ITGA9: variants seen among roughly 807,000 people sequenced by gnomAD.
ITGA9 encodes integrin subunit alpha 9.
A neutral mutation model predicts 127.8 loss-of-function variants in ITGA9; 56 were observed. The observed-to-expected ratio is 0.44, with a 90% CI of 0.35 to 0.55. The LOEUF (loss-of-function observed/expected upper bound fraction) is 0.55, where lower values mean the gene tolerates loss of function less well. Among genes scored for constraint, ITGA9 ranks in the 20% least tolerant of loss-of-function variants. ITGA9 has a pLI of 0.00. For synonymous variants in ITGA9, 508 were observed against 514.5 expected (o/e 0.99, Z 0.17); for missense variants, 1,196 against 1,347.1 (o/e 0.89, Z 1.76).
chr3:37,698,914 A>G (rs1700916487), intron 18 of ITGA9, among the ~76,000 whole-genome samples: 1 of 152,160 alleles, frequency 6.6e-6, no homozygotes, highest in Admixed American at 6.5e-5. Context: ...CATCTCCCAT[A>G]TGACTAATAA....
intron 4 of ITGA9, among the ~76,000 whole-genome samples, chr3:37,492,751 AAG>A (rs1698685957): frequency 6.6e-6 from 1 of 152,168 alleles, no homozygotes; most frequent in Non-Finnish European, 1.5e-5. Flanking sequence ...TCATTTTTTC[AAG>A]AGTTACAATT....
intron 7 of ITGA9, 85 bp downstream of exon 7, chr3:37,506,170 AT>A: frequency 2.0e-6 from 2 of 996,110 alleles, no homozygotes; most frequent in Admixed American, 4.0e-5. Context: ...GCCAGCTGAC[AT>A]TGACCTGAAC....
intron 15 of ITGA9, among the ~76,000 whole-genome samples, chr3:37,613,873 C>G (rs1700048134): frequency 6.6e-6 from 1 of 152,172 alleles, no homozygotes; most frequent in South Asian, 2.1e-4. Context: ...AGCCCTTTGT[C>G]AGATGAGTAG....
intron 15 of ITGA9, among the ~76,000 whole-genome samples, chr3:37,601,691 T>A (rs1267648316): frequency 1.3e-5 from 2 of 152,242 alleles, no homozygotes; most frequent in Non-Finnish European, 2.9e-5. Context: ...TCAATCAAAC[T>A]TGAACACCAT....
At chr3:37,572,534 A>T (rs1246830246) in intron 15 of ITGA9, among the ~76,000 whole-genome samples, 1 of 152,234 alleles carries the variant, frequency 6.6e-6, no homozygotes, top group African/African-American at 2.4e-5. Flanking sequence ...CTTATTTAGT[A>T]GGATTGCTGT....
intron 15 of ITGA9, among the ~76,000 whole-genome samples, chr3:37,548,756 C>A (rs916275081): frequency 7.2e-5 from 11 of 152,148 alleles, no homozygotes; most frequent in African/African-American, 2.7e-4. Flanking sequence ...TCTAAGGTGA[C>A]CTTGGACATA....
rs562643391 is a variant in ITGA9 at position 37,652,891 on chromosome 3, AG to A, written c.1840-819del. Among the ~76,000 whole-genome samples the A allele has an allele frequency of 6.4e-4, 97 of 152,336 alleles. No individual in the cohort carries two copies. In the South Asian group the frequency reaches 0.02, roughly 31 times the overall value. On this transcript the variant is annotated intron_variant, in intron 16 of 27. Coordinates refer to ENST00000264741, the MANE Select transcript of ITGA9 (RefSeq NM_002207.3). Reference sequence around the variant, plus strand: ...ATGTCAGAGAGGTTGAGACAGATTGAGGGGAAGACTAACAAGCCCTCCATGG... The same window carrying A: ...ATGTCAGAGAGGTTGAGACAGATTGAGGGAAGACTAACAAGCCCTCCATGG...
chr3:37,572,791 T>C (rs1699614315), intron 15 of ITGA9, among the ~76,000 whole-genome samples: 1 of 152,162 alleles, frequency 6.6e-6, no homozygotes, highest in Non-Finnish European at 1.5e-5. Flanking sequence ...GGGAGGAAAA[T>C]GGCACAGTTC....
At chr3:37,564,476 A>C (rs1699526345) in intron 15 of ITGA9, among the ~76,000 whole-genome samples, 1 of 152,154 alleles carries the variant, frequency 6.6e-6, no homozygotes, top group Non-Finnish European at 1.5e-5. Context: ...ACACTATGGA[A>C]GACTTTCTGA....
chr3:37,754,296 A>G (rs1399192399), intron 23 of ITGA9, among the ~76,000 whole-genome samples: 3 of 152,168 alleles, frequency 2.0e-5, no homozygotes, highest in Non-Finnish European at 4.4e-5. Flanking sequence ...GGAGTTAAAA[A>G]CCTGTATCTG....
intron 23 of ITGA9, among the ~76,000 whole-genome samples, chr3:37,762,461 G>A (rs1476210518): frequency 6.6e-6 from 1 of 152,220 alleles, no homozygotes; most frequent in African/African-American, 2.4e-5. Context: ...GGCTTGGCTA[G>A]CAAAGGTGGC....
At chr3:37,759,398 C>G (rs1018830315) in intron 23 of ITGA9, among the ~76,000 whole-genome samples, 5 of 151,964 alleles carry the variant, frequency 3.3e-5, no homozygotes, top group Admixed American at 2.0e-4. Context: ...CTGAGGAACC[C>G]AGATGTTGGA....
rs1423427928 is a variant in ITGA9, at chr3:37,799,792, A to C, written c.2890-4031A>C. On this transcript the variant is annotated intron_variant, in intron 26 of 27. Coordinates refer to ENST00000264741, the MANE Select transcript of ITGA9 (RefSeq NM_002207.3). The surrounding 1 kb of genome is among the most constrained non-coding windows in gnomAD (Gnocchi z 4.0). ...ACCTGGGATGGAAACAAGAGGATGG[A>C]GAGAAAAGTTGTTTAGAAAGGTGTA... Among the ~76,000 whole-genome samples, 1 of 152,158 alleles carries C rather than the reference A, an allele frequency of 6.6e-6. No individual in the cohort carries two copies. The highest frequency in any genetic ancestry group is 2.4e-5 in the African/African-American group (1 of 41,446).
chr3:37,802,707 G>A (rs1697249894), intron 26 of ITGA9, among the ~76,000 whole-genome samples: 1 of 152,184 alleles, frequency 6.6e-6, no homozygotes, highest in Non-Finnish European at 1.5e-5. Flanking sequence ...TCAGAAGTGA[G>A]CACTGATACA....
At chr3:37,598,184 G>T (rs1017781202) in intron 15 of ITGA9, among the ~76,000 whole-genome samples, 1 of 152,088 alleles carries the variant, frequency 6.6e-6, no homozygotes, top group Admixed American at 6.5e-5. Context: ...TCCTGAGAGG[G>T]TAAATAATTC....
intron 26 of ITGA9, among the ~76,000 whole-genome samples, chr3:37,791,433 C>A (rs75391089): frequency 1.2e-4 from 19 of 152,190 alleles, no homozygotes; most frequent in Non-Finnish European, 2.1e-4. Context: ...CGAAGGCTAT[C>A]CAGTGGAAGT....
Position 37,508,628 on chromosome 3 carries a change from G to A in ITGA9, c.897+1G>A. On this transcript the variant is annotated splice_donor_variant, in intron 8 of 27. Coordinates refer to ENST00000264741, the MANE Select transcript of ITGA9 (RefSeq NM_002207.3). LOFTEE classifies it high-confidence loss of function. ...GATCTTTCAAGCATCAGGTAAAAAG[G>A]TGAGGTTCTTGGTATAAGTGACTAT... 3.1e-6 allele frequency: 5 copies of A among 1,611,764 alleles called. No homozygotes were observed. The highest frequency in any genetic ancestry group is 3.4e-6 in the Non-Finnish European group (4 of 1,177,946).
At chr3:37,542,194 A>G (rs1352763266) in intron 14 of ITGA9, among the ~76,000 whole-genome samples, 2 of 152,152 alleles carry the variant, frequency 1.3e-5, no homozygotes, top group Non-Finnish European at 2.9e-5. Flanking sequence ...GAAGTATGAC[A>G]CAAGGAGAGT....
intron 26 of ITGA9, among the ~76,000 whole-genome samples, chr3:37,786,675 C>T (rs1336205948): frequency 2.0e-5 from 3 of 151,962 alleles, no homozygotes; most frequent in Non-Finnish European, 2.9e-5. Context: ...CAGTCCTGTC[C>T]GTTTTTGGTG....
Sources: allele counts gnomAD v4.1 joint callset (sites outside exome capture counted in the v4.1 genomes callset), GRCh38; gene constraint gnomAD v4.1.1; non-coding constraint Gnocchi (gnomAD v3.1); transcripts MANE v1.5; gene names NCBI Gene and HGNC (gene_info 2026-07-23, HGNC 2026-07-21).